POLQ: variants seen among roughly 807,000 people sequenced by gnomAD.
POLQ encodes epididymis secretory sperm binding protein.
In POLQ, 233 loss-of-function variants were observed where a neutral mutation model predicts 259.2. The ratio of observed to expected loss-of-function variants is 0.90; its 90% CI spans 0.81 to 1.00. POLQ has a LOEUF of 1.00. Ranked by LOEUF, POLQ falls within the 50% of genes least tolerant of loss-of-function variation. POLQ has a pLI of 0.00. For synonymous variants in POLQ, 1,025 were observed against 1,048.8 expected (o/e 0.98, Z 0.44); for missense variants, 2,871 against 3,051.6 (o/e 0.94, Z 1.39).
chr3:121,501,271 T>C (rs1196449679), intron 12 of POLQ, among the ~76,000 whole-genome samples: 1 of 151,604 alleles, frequency 6.6e-6, no homozygotes, highest in Admixed American at 6.6e-5. Flanking sequence ...CAACTAAGAA[T>C]ATTATATAAA....
rs534866971 is a variant in POLQ at position 121,545,707 on chromosome 3, T to C, written c.163+8A>G. The C allele has an allele frequency of 4.6e-4, 709 of 1,547,038 alleles. 5 individuals are homozygous for C. In the South Asian group the frequency reaches 4.6e-3, roughly 10 times the overall value. The stretch of plus-strand genomic sequence containing the variant: ...CGTTGCCCGCGGCCTCCCGGGTTCC[T>C]GGAGCACCTGCAGCTGCGGCCTTCA... On this transcript the variant is annotated splice_region_variant and intron_variant, in intron 1 of 29. Transcript: ENST00000264233.
At position 121,510,170 on chromosome 3, in the gene POLQ, C is replaced by G; in HGVS notation, c.1685G>C (p.Ser562Thr). Residue 562 changes from serine to threonine, a missense_variant, in exon 11 of 30, where the codon AGT becomes ACT. Ser to Thr is a moderately conservative substitution (Grantham distance 58). This residue lies in a region of POLQ where 783 missense variants were observed against 906.2 expected (regional missense o/e 0.86). Coordinates refer to ENST00000264233, the MANE Select transcript of POLQ (RefSeq NM_199420.4). ...TYAACTFLAA[S>T]MKEGKQGIQR... is the part of the protein sequence containing the mutation. ...AATTCCTTGCTTCCCTTCTTTCATA[C>G]TTGCAGCCAAAAATGTGCAGGCAGC... 1.2e-5 allele frequency: 20 copies of G among 1,614,032 alleles called. No individual in the cohort carries two copies. The highest frequency in any genetic ancestry group is 1.6e-5 in the Non-Finnish European group (19 of 1,179,868).
At chr3:121,466,810 C>T (rs2047841132) in intron 24 of POLQ, among the ~76,000 whole-genome samples, 1 of 152,044 alleles carries the variant, frequency 6.6e-6, no homozygotes, top group Non-Finnish European at 1.5e-5. Context: ...AATTGCCAAG[C>T]AGGACATGTC....
At position 121,472,394 on chromosome 3, in the gene POLQ, C is replaced by T. The variant is rs572322693; in HGVS notation, c.6544-230G>A. Reference sequence around the variant, plus strand: ...AGTATCAATTTAAAACTACCTTTTTCAAAAAAATAAATGAATTGTCAGTTT... The same window carrying T: ...AGTATCAATTTAAAACTACCTTTTTTAAAAAAATAAATGAATTGTCAGTTT... On this transcript the variant is annotated intron_variant, in intron 21 of 29. Transcript: ENST00000264233. Among the ~76,000 whole-genome samples, 5 of 152,032 alleles carry T rather than the reference C, an allele frequency of 3.3e-5. No homozygotes were observed. The East Asian group carries it at 9.6e-4, about 29-fold the overall frequency.
chr3:121,495,283 AG>A (rs987686890), intron 14 of POLQ, among the ~76,000 whole-genome samples: 32 of 152,160 alleles, frequency 2.1e-4, no homozygotes, highest in Middle Eastern at 3.4e-3. Context: ...AAAAAAAAAA[AG>A]TAAGGGACTC....
At chr3:121,512,087 T>G (rs1195146254) in intron 9 of POLQ, 58 bp from the exon 10 acceptor site, 4 of 1,437,586 alleles carry the variant, frequency 2.8e-6, no homozygotes, top group Non-Finnish European at 1.9e-6. Flanking sequence ...AGATATCTGC[T>G]AAAGAGATTT....
intron 25 of POLQ, among the ~76,000 whole-genome samples, chr3:121,454,024 G>A (rs1388529368): frequency 6.6e-6 from 1 of 152,210 alleles, no homozygotes; most frequent in Non-Finnish European, 1.5e-5. Context: ...CAGACTAACA[G>A]CGGATCTCTC....
intron 7 of POLQ, among the ~76,000 whole-genome samples, chr3:121,528,823 G>T (rs1050464495): frequency 6.6e-6 from 1 of 152,094 alleles, no homozygotes; most frequent in African/African-American, 2.4e-5. Context: ...ATGATGGCGG[G>T]TGCTTGTAAT....
intron 29 of POLQ, among the ~76,000 whole-genome samples, 162 bp downstream of exon 29, chr3:121,432,756 C>G (rs749161709): frequency 5.3e-5 from 8 of 152,170 alleles, no homozygotes; most frequent in Admixed American, 2.6e-4. Flanking sequence ...CAAAACGGAA[C>G]ACTCTTAGCT....
At chr3:121,519,571 G>A (rs2048323404) in intron 9 of POLQ, among the ~76,000 whole-genome samples, 2 of 149,868 alleles carry the variant, frequency 1.3e-5, no homozygotes, top group African/African-American at 2.4e-5. Flanking sequence ...AGCTACTTGG[G>A]AGGCTGAGGC....
chr3:121,521,032 T>G lies in POLQ; in HGVS notation c.1256-949A>C, dbSNP rs534359199. 3.3e-5 allele frequency among the ~76,000 whole-genome samples: 5 copies of G among 152,360 alleles called. No individual in the cohort carries two copies. The South Asian group carries it at 1.0e-3, about 32-fold the overall frequency. Reference sequence around the variant, plus strand: ...GTGATGGGTACACAGGTGTTCACTTTTTTAGTATGCATCATAAATTACATA... The same window carrying G: ...GTGATGGGTACACAGGTGTTCACTTGTTTAGTATGCATCATAAATTACATA... On this transcript the variant is annotated intron_variant, in intron 8 of 29. Transcript: ENST00000264233.
chr3:121,452,702 C>T (rs1338433721), intron 25 of POLQ, among the ~76,000 whole-genome samples: 1 of 152,154 alleles, frequency 6.6e-6, no homozygotes, highest in African/African-American at 2.4e-5. Flanking sequence ...CCCGCCATTG[C>T]CCAGGCTTGC....
At position 121,481,808 on chromosome 3, in the gene POLQ, G is replaced by A. The variant is rs1240830230; in HGVS notation, c.5975C>T (p.Ala1992Val). 3 of 1,609,490 alleles carry A rather than the reference G, an allele frequency of 1.9e-6. No homozygotes were observed. Among genetic ancestry groups the A allele is most frequent in the South Asian group, 2.2e-5 (2 of 90,646 alleles). The part of the protein sequence containing the change: ...LEQSYEDPKV[A>V]CWLLDPDSQE... Reference sequence around the variant, plus strand: ...AGAATCTGGATCTAGTAACCAGCATGCCACCTGAATGGGATAGCAATGAGA... The same window carrying A: ...AGAATCTGGATCTAGTAACCAGCATACCACCTGAATGGGATAGCAATGAGA... Residue 1992 changes from alanine (A) to valine (V), a missense_variant, in exon 19 of 30, where the codon GCA becomes GTA. Physicochemically the swap from Ala to Val is moderately conservative, Grantham distance 64. Coordinates refer to ENST00000264233, the MANE Select transcript of POLQ (RefSeq NM_199420.4).
At chr3:121,483,930 A>C (rs1163841830) in intron 17 of POLQ, among the ~76,000 whole-genome samples, 1 of 152,240 alleles carries the variant, frequency 6.6e-6, no homozygotes, top group African/African-American at 2.4e-5. Flanking sequence ...AGAGAGATTT[A>C]GTATGAACAC....
At chr3:121,487,207 T>C in intron 16 of POLQ, 95 bp downstream of exon 16, 1 of 685,148 alleles carries the variant, frequency 1.5e-6, no homozygotes, top group South Asian at 2.2e-5. Flanking sequence ...CTTGAATAGA[T>C]TATATTTAAT....
intron 28 of POLQ, 122 bp downstream of exon 28, chr3:121,436,000 G>A: frequency 2.7e-6 from 2 of 742,670 alleles, no homozygotes; most frequent in Non-Finnish European, 4.4e-6. Flanking sequence ...ATAGTATAAA[G>A]ACATCATGAG....
intron 28 of POLQ, among the ~76,000 whole-genome samples, chr3:121,434,752 A>G (rs1387919286): frequency 6.6e-6 from 1 of 152,222 alleles, no homozygotes; most frequent in African/African-American, 2.4e-5. Context: ...TTCTAGAAAT[A>G]GCAAATCTCA....
intron 7 of POLQ, among the ~76,000 whole-genome samples, chr3:121,525,233 C>G (rs887855704): frequency 6.6e-6 from 1 of 151,664 alleles, no homozygotes; most frequent in Non-Finnish European, 1.5e-5. Flanking sequence ...CCCAGCTACT[C>G]GGGAGGCTGA....
rs552469306 is a variant in POLQ, at chr3:121,515,767, T to C, written c.1469-3738A>G. Among the ~76,000 whole-genome samples, 7 of 151,984 alleles carry C rather than the reference T, an allele frequency of 4.6e-5. No homozygotes were observed. In the East Asian group the frequency reaches 9.7e-4, roughly 21 times the overall value. Reference sequence around the variant, plus strand: ...GCAGATACCAACACAAGAACACAGATTACAAAGAACCAGGAAGCCAAGATA... The same window carrying C: ...GCAGATACCAACACAAGAACACAGACTACAAAGAACCAGGAAGCCAAGATA... On this transcript the variant is annotated intron_variant, in intron 9 of 29. Coordinates refer to ENST00000264233, the MANE Select transcript of POLQ (RefSeq NM_199420.4).
Sources: gnomAD v4.1 joint callset for allele counts (sites outside exome capture counted in the v4.1 genomes callset) on GRCh38, gnomAD v4.1.1 for gene constraint, gnomAD v4.1.1 regional missense constraint, MANE v1.5 for transcripts, NCBI Gene and HGNC (gene_info 2026-07-23, HGNC 2026-07-21) for gene names.